Variants in CYRIB observed in about 807,000 individuals in gnomAD.
CYRIB encodes CYFIP-related Rac1 interactor B.
A neutral mutation model predicts 44.2 loss-of-function variants in CYRIB; 8 were observed. The ratio of observed to expected loss-of-function variants is 0.18; its 90% CI spans 0.11 to 0.33. CYRIB has a LOEUF of 0.33. CYRIB is among the 10% of genes least tolerant of loss of function. The pLI is 1.00. For missense variants in CYRIB, 185 were observed against 382.8 expected, an observed-to-expected ratio of 0.48 and a Z score of 4.31; for synonymous variants, 131 against 127.2, an observed-to-expected ratio of 1.03 and a Z score of -0.20.
In CYRIB at chr8:129,930,653, T is replaced by C. The variant is rs536606611; in HGVS notation, c.-50+8955A>G. 7.6e-4 allele frequency among the ~76,000 whole-genome samples: 116 copies of C among 152,116 alleles called. 2 individuals are homozygous for C. The highest frequency in any genetic ancestry group is 2.7e-3 in the African/African-American group (111 of 41,500). On this transcript the variant is annotated intron_variant, in intron 1 of 11. Coordinates refer to ENST00000519824, the Ensembl canonical transcript of CYRIB. ...AACTTTGGCAACCCATTTCAAAAGG[T>C]TGCCAACCAGGCTACATATTTTGAC...
rs1592307817 is a variant in CYRIB at position 130,005,710 on chromosome 8, C to G, written c.-296+10660G>C. ...CCATCTGTGCCTTAAAAATTAAAAG[C>G]TGGGAACCTATAATTCCAGCACTTT... On this transcript the variant is annotated intron_variant, in intron 1 of 14. Coordinates refer to the CYRIB transcript ENST00000401979. Among the ~76,000 whole-genome samples the G allele has an allele frequency of 2.6e-5, 4 of 151,972 alleles. No individual in the cohort carries two copies. In the South Asian group the frequency reaches 8.3e-4, roughly 32 times the overall value.
In CYRIB at chr8:129,926,555, C is replaced by G. The variant is rs556279277; in HGVS notation, c.-50+13053G>C. Among the ~76,000 whole-genome samples the G allele has an allele frequency of 6.6e-5, 10 of 152,258 alleles. No homozygotes were observed. In the South Asian group the frequency reaches 2.1e-3, roughly 32 times the overall value. On this transcript the variant is annotated intron_variant, in intron 1 of 11. Coordinates refer to ENST00000519824, the Ensembl canonical transcript of CYRIB. The stretch of plus-strand genomic sequence containing the variant: ...GAACCATGTATGCACCATATAAAAT[C>G]ATACTACAAGAAAAATGCAGGTGTC...
In CYRIB at chr8:129,984,469, G is replaced by A. The variant is rs1340784619; in HGVS notation, c.-295-13474C>T. Among the ~76,000 whole-genome samples the A allele has an allele frequency of 3.3e-5, 5 of 152,148 alleles. No homozygotes were observed. In the East Asian group the frequency reaches 5.8e-4, roughly 18 times the overall value. ...CCCTCATCTCACTGGGAAAGAAGCCGGCTCAGAGAGATGGGATGAGTCACC... is the reference window on the plus strand; with the variant it reads ...CCCTCATCTCACTGGGAAAGAAGCCAGCTCAGAGAGATGGGATGAGTCACC... On this transcript the variant is annotated intron_variant, in intron 1 of 14. Transcript: ENST00000401979.
chr8:129,902,902 G>A (rs2073070032), intron 2 of CYRIB: 1 of 152,174 alleles, frequency 6.6e-6, no homozygotes, highest in Admixed American at 6.6e-5. Context: ...ACCAAAACCA[G>A]TAACAGATAG....
chr8:129,846,310 T>C (rs1231962897), intron 11 of CYRIB, among the ~76,000 whole-genome samples: 1 of 152,178 alleles, frequency 6.6e-6, no homozygotes, highest in African/African-American at 2.4e-5. Flanking sequence ...AGGAAAGAGC[T>C]AGTTACAAGC....
In CYRIB at chr8:129,874,132, T is replaced by C. The variant is rs2058314761; in HGVS notation, c.74-2636A>G. Among the ~76,000 whole-genome samples, 3 of 151,758 alleles carry C rather than the reference T, an allele frequency of 2.0e-5. No individual in the cohort carries two copies. In the South Asian group the frequency reaches 6.2e-4, roughly 31 times the overall value. On this transcript the variant is annotated intron_variant, in intron 3 of 11. Transcript: ENST00000519824. ...CAAGACTTGTCACTTTGATTTTCCATAGAAAAAAATGGCTTTACTATTTAA... is the reference window on the plus strand; with the variant it reads ...CAAGACTTGTCACTTTGATTTTCCACAGAAAAAAATGGCTTTACTATTTAA...
intron 2 of CYRIB, among the ~76,000 whole-genome samples, chr8:129,883,369 G>A (rs1428753610): frequency 1.3e-5 from 2 of 151,942 alleles, no homozygotes; most frequent in African/African-American, 2.4e-5. Flanking sequence ...TCACCCGACT[G>A]AGAATCACTA....
At chr8:129,921,902 G>A (rs2083823322) in intron 1 of CYRIB, among the ~76,000 whole-genome samples, 1 of 152,138 alleles carries the variant, frequency 6.6e-6, no homozygotes, top group African/African-American at 2.4e-5. Context: ...AAATTTGAGA[G>A]GCTTATGAGC....
At chr8:129,892,902 C>A (rs1009971981) in intron 2 of CYRIB, among the ~76,000 whole-genome samples, 2 of 152,174 alleles carry the variant, frequency 1.3e-5, no homozygotes, top group Admixed American at 1.3e-4. Flanking sequence ...CAGGGGGAGA[C>A]AATCATAGGA....
intron 2 of CYRIB, chr8:129,901,378 G>A (rs1236264230): frequency 1.3e-5 from 2 of 152,024 alleles, no homozygotes; most frequent in East Asian, 3.9e-4. Flanking sequence ...TACCATGCCT[G>A]GCTGATTTTT....
chr8:129,983,092 T>C (rs2096302938), intron 1 of CYRIB, among the ~76,000 whole-genome samples: 1 of 151,412 alleles, frequency 6.6e-6, no homozygotes, highest in Admixed American at 6.6e-5. Context: ...GAGGATTGTT[T>C]GAGCCCAGGC....
upstream of CYRIB, among the ~76,000 whole-genome samples, chr8:129,942,667 A>G (rs2093800960): frequency 6.6e-6 from 1 of 152,276 alleles, no homozygotes; most frequent in African/African-American, 2.4e-5. Context: ...AAGGGCTTAC[A>G]TAAGAGCACT....
intron 2 of CYRIB, among the ~76,000 whole-genome samples, chr8:129,895,319 G>A (rs1302171499): frequency 6.6e-6 from 1 of 151,210 alleles, no homozygotes; most frequent in Non-Finnish European, 1.5e-5. Context: ...TAGAAATTCT[G>A]GATACCACCC....
chr8:129,966,236 C>T (rs1431904348), intron 2 of CYRIB, among the ~76,000 whole-genome samples: 2 of 152,206 alleles, frequency 1.3e-5, no homozygotes, highest in Non-Finnish European at 2.9e-5. Context: ...GTATATGTTA[C>T]ATGCATCTTC....
chr8:129,986,297 G>A (rs192050797), intron 1 of CYRIB, among the ~76,000 whole-genome samples: 20 of 152,270 alleles, frequency 1.3e-4, no homozygotes, highest in South Asian at 4.1e-4. Context: ...CAGTGGCCCC[G>A]AGGACAGGCC....
chr8:129,937,642 T>A (rs2093045734), intron 1 of CYRIB, among the ~76,000 whole-genome samples: 1 of 152,198 alleles, frequency 6.6e-6, no homozygotes, highest in African/African-American at 2.4e-5. Context: ...CATCTGAAAT[T>A]ATACTTTTTC....
intron 1 of CYRIB, among the ~76,000 whole-genome samples, chr8:129,978,544 T>C (rs1002643996): frequency 6.6e-6 from 1 of 152,216 alleles, no homozygotes; most frequent in Non-Finnish European, 1.5e-5. Context: ...ACCTCAAAAA[T>C]GAATACATTT....
chr8:129,905,220 T>C lies in CYRIB; in HGVS notation c.-49-1870A>G, dbSNP rs113271009. Among the ~76,000 whole-genome samples, 1,397 of 151,690 alleles carry C rather than the reference T, an allele frequency of 9.2e-3. 18 individuals are homozygous for C. The highest frequency in any genetic ancestry group is 0.032 in the African/African-American group (1,323 of 41,356). On this transcript the variant is annotated intron_variant, in intron 1 of 11. Coordinates refer to ENST00000519824, the Ensembl canonical transcript of CYRIB. ...CAGGCTGGATTGATTGATTGATTGATTGATTGATTGATTTTGAGATGGAGT... is the reference window on the plus strand; with the variant it reads ...CAGGCTGGATTGATTGATTGATTGACTGATTGATTGATTTTGAGATGGAGT...
intron 2 of CYRIB, among the ~76,000 whole-genome samples, chr8:129,967,601 G>A (rs1591381629): frequency 6.6e-6 from 1 of 151,662 alleles, no homozygotes; most frequent in Admixed American, 6.6e-5. Context: ...GGATGGTCTC[G>A]ATCTCCTGAC....
Sources: allele counts gnomAD v4.1 joint callset (sites outside exome capture counted in the v4.1 genomes callset), GRCh38; gene constraint gnomAD v4.1.1; transcripts MANE v1.5; gene names NCBI Gene and HGNC (gene_info 2026-07-23, HGNC 2026-07-21).